The following ZZEF1 variants were observed in gnomAD, a reference collection of about 807,000 sequenced individuals.
ZZEF1 encodes the protein zinc finger ZZ-type and EF-hand domain containing 1, also known as zinc finger ZZ-type and EF-hand domain-containing protein 1.
In ZZEF1, 157 loss-of-function variants were observed where a neutral mutation model predicts 342.8. The ratio of observed to expected loss-of-function variants is 0.46; its 90% CI spans 0.40 to 0.52. The LOEUF is 0.52. ZZEF1 is among the 20% of genes least tolerant of loss of function. The pLI is 0.00. For missense variants in ZZEF1, 3,480 were observed against 3,725.6 expected, an observed-to-expected ratio of 0.93 and a Z score of 1.72; for synonymous variants, 1,505 against 1,429.1, an observed-to-expected ratio of 1.05 and a Z score of -1.20.
rs1327604373 is a variant in ZZEF1, at chr17:4,085,599, G to A, written c.2646+71C>T. On this transcript the variant is annotated intron_variant, in intron 16 of 54. Coordinates refer to ENST00000381638, the MANE Select transcript of ZZEF1 (RefSeq NM_015113.4). ...CGTTGCAACAGACGATATATTCAGA[G>A]GTAACAAAGCCTAGCAAATTTCATC... is the stretch of plus-strand genomic sequence containing the variant. 5 of 1,587,882 alleles carry A rather than the reference G, an allele frequency of 3.1e-6. No homozygotes were observed. The African/African-American group carries it at 6.7e-5, about 21-fold the overall frequency.
intron 2 of ZZEF1, among the ~76,000 whole-genome samples, chr17:4,122,958 T>G (rs1220534742): frequency 6.6e-6 from 1 of 150,846 alleles, no homozygotes; most frequent in Non-Finnish European, 1.5e-5. Context: ...CTCGCTTTGT[T>G]GCCCTGGCTG....
At chr17:4,041,100 C>T (rs2056792314) in intron 39 of ZZEF1, among the ~76,000 whole-genome samples, 2 of 152,312 alleles carry the variant, frequency 1.3e-5, no homozygotes, top group African/African-American at 4.8e-5. Context: ...ATAGTGACTG[C>T]ACTGTCCAAG....
intron 53 of ZZEF1, 65 bp from the exon 54 acceptor site, chr17:4,009,019 A>T (rs1002160763): frequency 6.7e-7 from 1 of 1,496,516 alleles, no homozygotes; most frequent in East Asian, 2.5e-5. Context: ...CTCCCAGACC[A>T]CCTGGGACAC....
At chr17:4,032,332 A>G in intron 41 of ZZEF1, 74 bp from the exon 42 acceptor site, 2 of 1,517,352 alleles carry the variant, frequency 1.3e-6, no homozygotes, top group African/African-American at 2.8e-5. Context: ...GCATAAGCCC[A>G]GCCCCCTTTG....
intron 30 of ZZEF1, among the ~76,000 whole-genome samples, chr17:4,062,410 A>G (rs2057304828): frequency 6.6e-6 from 1 of 151,624 alleles, no homozygotes; most frequent in Non-Finnish European, 1.5e-5. Context: ...AGTTAATCCT[A>G]AGAACCACCT....
intron 42 of ZZEF1, among the ~76,000 whole-genome samples, chr17:4,028,930 C>T (rs1210470831): frequency 6.6e-6 from 1 of 151,918 alleles, no homozygotes; most frequent in Non-Finnish European, 1.5e-5. Context: ...AGAGGCTGTA[C>T]GAATATTAGA....
intron 3 of ZZEF1, among the ~76,000 whole-genome samples, chr17:4,116,320 AC>A (rs2058393450): frequency 2.0e-5 from 3 of 152,232 alleles, no homozygotes; most frequent in Admixed American, 6.5e-5. Context: ...CTCCAAAAAA[AC>A]ATCTAAGTTT....
At chr17:4,103,634 G>A (rs1056039226) in intron 8 of ZZEF1, among the ~76,000 whole-genome samples, 3 of 152,082 alleles carry the variant, frequency 2.0e-5, no homozygotes, top group Non-Finnish European at 4.4e-5. Flanking sequence ...CCTCACGGCA[G>A]AAGCCAGGTG....
rs1555592880 is a variant in ZZEF1, at chr17:4,059,134, A to AC, written c.5003+36_5003+37insG. 5.3e-6 allele frequency: 8 copies of AC among 1,495,754 alleles called. No individual in the cohort carries two copies. In the Admixed American group the frequency reaches 2.0e-4, roughly 38 times the overall value. The allele number at this position is 1,495,754 out of a possible 1,614,324, so 92.7% of individuals were successfully genotyped here. A position where few individuals can be genotyped will look rare whatever the true frequency, so the allele number is the denominator to read the frequency against. On this transcript the variant is annotated intron_variant, in intron 31 of 54. Coordinates refer to ENST00000381638, the MANE Select transcript of ZZEF1 (RefSeq NM_015113.4). ...TTCTTTTATAATCAGAAAAAAATAC[A>AC]TTTTTTTTCTCTAGAAATGATAAAG...
intron 31 of ZZEF1, among the ~76,000 whole-genome samples, chr17:4,058,910 AAAAT>A (rs1945650915): frequency 1.3e-5 from 2 of 152,150 alleles, no homozygotes; most frequent in Non-Finnish European, 1.5e-5. Context: ...ACCAAAACAG[AAAAT>A]AATAGGCTAT....
chr17:4,133,560 C>T (rs1471773957), intron 1 of ZZEF1, among the ~76,000 whole-genome samples: 2 of 152,202 alleles, frequency 1.3e-5, no homozygotes, highest in Admixed American at 6.5e-5. Context: ...GTGAGACTCA[C>T]TCCCTCTGAA....
intron 1 of ZZEF1, among the ~76,000 whole-genome samples, chr17:4,132,455 T>C (rs138501827): frequency 1.3e-5 from 2 of 152,186 alleles, no homozygotes; most frequent in African/African-American, 4.8e-5. Flanking sequence ...TCCCAGCACT[T>C]TGGGAGGTCA....
chr17:4,088,668 G>A lies in ZZEF1; in HGVS notation c.2241+10C>T. The A allele has an allele frequency of 6.2e-7, 1 of 1,612,996 alleles. No individual in the cohort carries two copies. ...AAAGGAATGCCGTCTAACAACTGAGGAAGCCCTACCAGGTCATGGGCGAGC... is the reference window on the plus strand; with the variant it reads ...AAAGGAATGCCGTCTAACAACTGAGAAAGCCCTACCAGGTCATGGGCGAGC... On this transcript the variant is annotated intron_variant, in intron 13 of 54. Transcript: ENST00000381638.
At chr17:4,007,870 C>G (rs765813043) in intron 54 of ZZEF1, among the ~76,000 whole-genome samples, 1 of 152,082 alleles carries the variant, frequency 6.6e-6, no homozygotes, top group Admixed American at 6.5e-5. Context: ...GAGCGCCGCG[C>G]TCAGGCAGGG....
Position 4,070,780 on chromosome 17 carries a change from T to C in ZZEF1, c.3979A>G (p.Ile1327Val). 1.9e-6 allele frequency: 3 copies of C among 1,614,178 alleles called. No individual in the cohort carries two copies. The highest frequency in any genetic ancestry group is 1.7e-6 in the Non-Finnish European group (2 of 1,180,044). The change falls in exon 26 of 55, where the codon ATA becomes GTA. Residue 1327 changes from isoleucine to valine, a missense_variant. Transcript: ENST00000381638. ...TGATCAATAGTGGAACCAGCAACTA[T>C]ATCTGTCTTTGGGGCCTGTTTTCTA... ...ACRKQAPKTD[I>V]VAGSTIDQAV...
intron 1 of ZZEF1, 133 bp downstream of exon 1, chr17:4,142,409 C>A: frequency 1.1e-6 from 1 of 945,384 alleles, no homozygotes; most frequent in Admixed American, 2.9e-5. Context: ...ACGAAGCAAA[C>A]GCCTGGTGAA....
intron 39 of ZZEF1, among the ~76,000 whole-genome samples, chr17:4,037,501 G>A (rs147078008): frequency 5.3e-5 from 8 of 152,334 alleles, no homozygotes; most frequent in African/African-American, 1.4e-4. Flanking sequence ...TCATGATCAC[G>A]AAAGTAAAGA....
intron 43 of ZZEF1, 115 bp downstream of exon 43, chr17:4,024,804 A>C: frequency 9.5e-7 from 1 of 1,049,874 alleles, no homozygotes; most frequent in East Asian, 2.4e-5. Flanking sequence ...AAAAATAATC[A>C]AGATCCTATG....
At position 4,137,406 on chromosome 17, in the gene ZZEF1, C is replaced by T. The variant is rs181098503; in HGVS notation, c.354+5136G>A. Among the ~76,000 whole-genome samples, 841 of 152,244 alleles carry T rather than the reference C, an allele frequency of 5.5e-3. 7 individuals are homozygous for T. Among genetic ancestry groups the T allele is most frequent in the African/African-American group, 0.019 (786 of 41,540 alleles). On this transcript the variant is annotated intron_variant, in intron 1 of 54. Coordinates refer to ENST00000381638, the MANE Select transcript of ZZEF1 (RefSeq NM_015113.4). ...TGGGCGGATCACAAGGTCAGGAGAT[C>T]GAGACCATCCTGGCTAACACGGTGA... is the stretch of plus-strand genomic sequence containing the variant.
Sources: allele counts gnomAD v4.1 joint callset (sites outside exome capture counted in the v4.1 genomes callset), GRCh38; gene constraint gnomAD v4.1.1; transcripts MANE v1.5; gene names NCBI Gene and HGNC (gene_info 2026-07-23, HGNC 2026-07-21).